Variants in WDR41 observed in about 807,000 individuals in gnomAD.
WDR41 encodes WD repeat-containing protein 41.
In WDR41, 63 loss-of-function variants were observed where a neutral mutation model predicts 69.3. The ratio of observed to expected loss-of-function variants is 0.91; its 90% CI spans 0.74 to 1.12. WDR41 has a LOEUF of 1.12. Ranked by LOEUF, WDR41 falls within the 50% of genes most tolerant of loss-of-function variation. WDR41 has a pLI of 0.00. For missense variants in WDR41, 543 were observed against 534.5 expected (o/e 1.02, Z -0.16); for synonymous variants, 185 against 192.1 (o/e 0.96, Z 0.31).
At chr5:77,464,275 T>A (rs1353365280) in intron 3 of WDR41, among the ~76,000 whole-genome samples, 1 of 33,444 alleles carries the variant, frequency 3.0e-5, no homozygotes, top group African/African-American at 5.1e-4. Context: ...AGGAAAAAAC[T>A]TTTTTTTTTT....
At chr5:77,559,091 T>G (rs537487533) in intron 1 of WDR41, among the ~76,000 whole-genome samples, 96 of 152,312 alleles carry the variant, frequency 6.3e-4, no homozygotes, top group Non-Finnish European at 7.8e-4. Context: ...AGTTGCTCTG[T>G]GTGTATTAAA....
intron 1 of WDR41, among the ~76,000 whole-genome samples, chr5:77,590,398 G>T (rs1054161463): frequency 6.6e-6 from 1 of 152,102 alleles, no homozygotes; most frequent in East Asian, 1.9e-4. Flanking sequence ...GACATACAAC[G>T]CCCAGAAGGA....
At chr5:77,614,450 G>A (rs1454839903) in intron 1 of WDR41, among the ~76,000 whole-genome samples, 2 of 150,886 alleles carry the variant, frequency 1.3e-5, no homozygotes, top group East Asian at 3.9e-4. Context: ...TATACACCAT[G>A]GAGTACTATG....
chr5:77,548,815 A>C (rs1412004635), intron 1 of WDR41, among the ~76,000 whole-genome samples: 1 of 152,208 alleles, frequency 6.6e-6, no homozygotes, highest in Non-Finnish European at 1.5e-5. Context: ...TATATGGAAA[A>C]GATACTTGCA....
At chr5:77,491,036 G>A (rs1801754278) in intron 1 of WDR41, among the ~76,000 whole-genome samples, 1 of 152,168 alleles carries the variant, frequency 6.6e-6, no homozygotes, top group African/African-American at 2.4e-5. Flanking sequence ...CCCAAGCTAA[G>A]CCATCGCATC....
intron 1 of WDR41, among the ~76,000 whole-genome samples, chr5:77,523,776 A>G (rs1428155139): frequency 1.3e-5 from 2 of 152,220 alleles, no homozygotes; most frequent in Admixed American, 1.3e-4. Flanking sequence ...TATCAAATTG[A>G]GAGTTCAATA....
chr5:77,511,087 A>T (rs189515202), intron 1 of WDR41, among the ~76,000 whole-genome samples: 14 of 152,264 alleles, frequency 9.2e-5, no homozygotes, highest in African/African-American at 2.4e-4. Flanking sequence ...AGAATTTTTT[A>T]AAAAACTATG....
intron 2 of WDR41, chr5:77,480,087 T>C (rs1478384762): frequency 6.6e-6 from 1 of 151,834 alleles, no homozygotes; most frequent in African/African-American, 2.4e-5. Flanking sequence ...TCACCATCAC[T>C]GGCCATCAGA....
intron 1 of WDR41, among the ~76,000 whole-genome samples, chr5:77,519,476 C>T (rs946513746): frequency 6.6e-6 from 1 of 151,634 alleles, no homozygotes; most frequent in African/African-American, 2.4e-5. Context: ...CAAATTTAAT[C>T]TACCCACTGC....
chr5:77,549,189 G>T (rs2112237821), intron 1 of WDR41, among the ~76,000 whole-genome samples: 1 of 152,270 alleles, frequency 6.6e-6, no homozygotes, highest in South Asian at 2.1e-4. Flanking sequence ...AGTGTATACT[G>T]CCTGGGTGAT....
chr5:77,591,411 TC>T (rs1237918465), intron 1 of WDR41, among the ~76,000 whole-genome samples: 1 of 152,112 alleles, frequency 6.6e-6, no homozygotes, highest in African/African-American at 2.4e-5. Context: ...TGCTTTCTGT[TC>T]TTATTTTTAT....
chr5:77,463,511 A>G (rs190664218), intron 3 of WDR41, among the ~76,000 whole-genome samples: 245 of 152,294 alleles, frequency 1.6e-3, no homozygotes, highest in African/African-American at 5.3e-3. Flanking sequence ...TGTGTAAATT[A>G]AGCATAAAAA....
At chr5:77,507,215 G>C (rs990597438) in intron 1 of WDR41, among the ~76,000 whole-genome samples, 1 of 152,082 alleles carries the variant, frequency 6.6e-6, no homozygotes, top group Non-Finnish European at 1.5e-5. Context: ...GCATGAGAAC[G>C]TAGGCATATT....
chr5:77,611,205 TG>T (rs1744542319), intron 1 of WDR41, among the ~76,000 whole-genome samples: 1 of 152,008 alleles, frequency 6.6e-6, no homozygotes, highest in South Asian at 2.1e-4. Context: ...ACATTAATAA[TG>T]GGAGACTTTA....
At chr5:77,533,837 G>T (rs1458842043) in intron 1 of WDR41, among the ~76,000 whole-genome samples, 1 of 152,054 alleles carries the variant, frequency 6.6e-6, no homozygotes, top group Non-Finnish European at 1.5e-5. Flanking sequence ...GGCTCCCTTT[G>T]CAGGGGCTAC....
intron 1 of WDR41, among the ~76,000 whole-genome samples, chr5:77,599,941 A>T (rs1257898483): frequency 1.3e-5 from 2 of 152,248 alleles, no homozygotes; most frequent in Non-Finnish European, 2.9e-5. Context: ...GAAAAGAGCA[A>T]GACAAGTTCA....
At chr5:77,434,692 G>A (rs1289507838) in intron 12 of WDR41, among the ~76,000 whole-genome samples, 1 of 151,976 alleles carries the variant, frequency 6.6e-6, no homozygotes, top group East Asian at 1.9e-4. Context: ...GTGAGATGCT[G>A]TCTCAAAGAA....
rs1306667222 is a variant in WDR41 at position 77,492,284 on chromosome 5, G to A, written c.-64C>T. 2.0e-5 allele frequency: 32 copies of A among 1,599,546 alleles called. No homozygotes were observed. Among genetic ancestry groups the A allele is most frequent in the Non-Finnish European group, 2.6e-5 (31 of 1,173,182 alleles). On this transcript the variant is annotated 5_prime_UTR_variant, in exon 1 of 13. Coordinates refer to ENST00000296679, the MANE Select transcript of WDR41 (RefSeq NM_018268.4). ...CAGCCCAAACTCCGCCCCAGGCTCGGCCTCCTCCTTCCTCCCCGGCTGCAG... is the reference window on the plus strand; with the variant it reads ...CAGCCCAAACTCCGCCCCAGGCTCGACCTCCTCCTTCCTCCCCGGCTGCAG...
chr5:77,462,712 T>G (rs148783942), intron 4 of WDR41, among the ~76,000 whole-genome samples: 1 of 152,210 alleles, frequency 6.6e-6, no homozygotes, highest in Non-Finnish European at 1.5e-5. Context: ...TTCTGCTGTA[T>G]AGTGGGGAAA....
Sources: gnomAD v4.1 joint callset for allele counts (sites outside exome capture counted in the v4.1 genomes callset) on GRCh38, gnomAD v4.1.1 for gene constraint, MANE v1.5 for transcripts, NCBI Gene and HGNC (gene_info 2026-07-23, HGNC 2026-07-21) for gene names.